The following PCDHA3 variants were observed in gnomAD, a reference collection of about 807,000 sequenced individuals.
PCDHA3 encodes protocadherin alpha-3.
PCDHA3 carries 41 observed loss-of-function variants against 62.2 expected under a neutral mutation model. That is an observed-to-expected ratio of 0.66 (90% confidence interval 0.51 to 0.86). PCDHA3 has a LOEUF of 0.86. PCDHA3 is among the 40% of genes least tolerant of loss of function. PCDHA3 has a pLI of 0.00. For missense variants in PCDHA3, 1,304 were observed against 1,241.2 expected, an observed-to-expected ratio of 1.05 and a Z score of -0.76; for synonymous variants, 640 against 555.4, an observed-to-expected ratio of 1.15 and a Z score of -2.14.
chr5:140,827,977 T>C, intron 1 of PCDHA3: 1 of 1,408,282 alleles, frequency 7.1e-7, no homozygotes, highest in Non-Finnish European at 9.6e-7. Context: ...CATCATTCCC[T>C]GACTGTTGAA....
At chr5:140,917,339 A>T (rs1199530347) in intron 1 of PCDHA3, among the ~76,000 whole-genome samples, 36 of 112,892 alleles carry the variant, frequency 3.2e-4, no homozygotes, top group East Asian at 2.4e-3. Context: ...GAGGGGGGGG[A>T]TGGTGTAGGC....
chr5:140,961,037 A>C (rs1222978592), intron 1 of PCDHA3, among the ~76,000 whole-genome samples: 2 of 152,188 alleles, frequency 1.3e-5, no homozygotes, highest in African/African-American at 4.8e-5. Flanking sequence ...CCTTGTTTTG[A>C]GTCATTAACA....
At chr5:140,842,621 T>C in intron 1 of PCDHA3, 1 of 1,576,496 alleles carries the variant, frequency 6.3e-7, no homozygotes, top group East Asian at 2.2e-5. Flanking sequence ...GGGCTCGCCT[T>C]CGCTGTGGGC....
intron 1 of PCDHA3, chr5:140,809,146 C>A (rs1554125024): frequency 1.2e-6 from 2 of 1,613,986 alleles, no homozygotes; most frequent in East Asian, 4.5e-5. Context: ...TGGTGAAGGA[C>A]CACGGCGAGC....
At chr5:140,904,091 C>A (rs536225769) in intron 1 of PCDHA3, among the ~76,000 whole-genome samples, 16 of 152,082 alleles carry the variant, frequency 1.1e-4, no homozygotes, top group Non-Finnish European at 1.8e-4. Flanking sequence ...ACATGAATAA[C>A]TACTTTAGTG....
chr5:140,888,059 T>C (rs1562834280), intron 1 of PCDHA3, among the ~76,000 whole-genome samples: 1 of 152,232 alleles, frequency 6.6e-6, no homozygotes, highest in African/African-American at 2.4e-5. Context: ...TGTTTTAACT[T>C]TCTTGTCTGC....
chr5:140,854,721 T>C (rs941408696), intron 1 of PCDHA3: 9 of 149,956 alleles, frequency 6.0e-5, no homozygotes, highest in Non-Finnish European at 1.2e-4. Flanking sequence ...GACAGAAAAC[T>C]CAAGTTTTTT....
chr5:140,823,814 G>A (rs782047530), intron 1 of PCDHA3: 1 of 1,613,762 alleles, frequency 6.2e-7, no homozygotes, highest in Middle Eastern at 1.7e-4. Flanking sequence ...GCCTCATCGC[G>A]GGCGTCGGCG....
intron 1 of PCDHA3, chr5:140,863,386 T>C (rs1554158163): frequency 9.7e-7 from 1 of 1,032,576 alleles, no homozygotes; most frequent in South Asian, 1.2e-5. Flanking sequence ...CGAGAGCTCG[T>C]GCATGCCGGG....
chr5:140,937,259 G>T (rs1306999153), intron 1 of PCDHA3, among the ~76,000 whole-genome samples: 1 of 151,852 alleles, frequency 6.6e-6, no homozygotes, highest in African/African-American at 2.4e-5. Context: ...GGATGGTCTC[G>T]ATCTCCTGAC....
At chr5:140,836,291 C>G (rs1774343401) in intron 1 of PCDHA3, 2 of 1,613,720 alleles carry the variant, frequency 1.2e-6, no homozygotes. Context: ...CGACACGAGC[C>G]CTAGATGAGA....
At chr5:140,954,214 T>C (rs1186171676) in intron 1 of PCDHA3, among the ~76,000 whole-genome samples, 1 of 152,254 alleles carries the variant, frequency 6.6e-6, no homozygotes, top group African/African-American at 2.4e-5. Flanking sequence ...TCCCATGTTT[T>C]TGCTATTGTG....
At chr5:140,848,437 A>C in intron 1 of PCDHA3, 1 of 1,473,718 alleles carries the variant, frequency 6.8e-7, no homozygotes, top group Non-Finnish European at 9.3e-7. Context: ...ACGAAATCAG[A>C]TGATTTCTTC....
chr5:140,932,351 A>G (rs1401387848), intron 1 of PCDHA3, among the ~76,000 whole-genome samples: 1 of 151,920 alleles, frequency 6.6e-6, no homozygotes, highest in African/African-American at 2.4e-5. Context: ...TTACCATACA[A>G]CTGGCCTTAT....
rs2150449498 is a variant in PCDHA3 at position 140,849,775 on chromosome 5, C to A, written c.2394+46184C>A. 6.3e-7 allele frequency: 1 copy of A among 1,598,434 alleles called. No homozygotes were observed. The highest frequency in any genetic ancestry group is 8.6e-7 in the Non-Finnish European group (1 of 1,167,964). Reference sequence around the variant, plus strand: ...TCCGCCTACGAGCTGGTGGTTACCGCGCGGGACGGGGGCTCGCCTTCACTG... The same window carrying A: ...TCCGCCTACGAGCTGGTGGTTACCGAGCGGGACGGGGGCTCGCCTTCACTG... On this transcript the variant is annotated intron_variant, in intron 1 of 3. Transcript: ENST00000522353.
intron 1 of PCDHA3, among the ~76,000 whole-genome samples, chr5:140,975,698 T>C (rs1298498012): frequency 6.6e-6 from 1 of 152,202 alleles, no homozygotes; most frequent in Non-Finnish European, 1.5e-5. Flanking sequence ...TTTAAACTTA[T>C]TTTACTTTAA....
chr5:140,967,030 C>T, intron 1 of PCDHA3: 1 of 1,609,320 alleles, frequency 6.2e-7, no homozygotes, highest in Non-Finnish European at 8.5e-7. Flanking sequence ...CCAGTCCGCG[C>T]TACCTGGAGC....
chr5:140,881,538 C>CT lies in PCDHA3; in HGVS notation c.2394+77950dup, dbSNP rs1216394306. ...AAATCCCACACATATTGACTGAACA[C>CT]TTTCTTTTGAATATAAATATCTTAT... On this transcript the variant is annotated intron_variant, in intron 1 of 3. Transcript: ENST00000522353. Among the ~76,000 whole-genome samples, 3 of 152,196 alleles carry CT rather than the reference C, an allele frequency of 2.0e-5. No homozygotes were observed. In the East Asian group the frequency reaches 5.8e-4, roughly 29 times the overall value.
At chr5:140,934,899 T>G (rs1320708660) in intron 1 of PCDHA3, among the ~76,000 whole-genome samples, 2 of 152,184 alleles carry the variant, frequency 1.3e-5, no homozygotes, top group Non-Finnish European at 2.9e-5. Flanking sequence ...AACCTTTTAT[T>G]TTGGAATAAT....
Sources: gnomAD v4.1 joint callset for allele counts (sites outside exome capture counted in the v4.1 genomes callset) on GRCh38, gnomAD v4.1.1 for gene constraint, MANE v1.5 for transcripts, NCBI Gene and HGNC (gene_info 2026-07-23, HGNC 2026-07-21) for gene names.